The following CDH12 variants were observed in gnomAD, a reference collection of about 807,000 sequenced individuals.
CDH12 encodes the protein cadherin-12.
CDH12 carries 41 observed loss-of-function variants against 74.1 expected under a neutral mutation model. That is an observed-to-expected ratio of 0.55 (90% confidence interval 0.43 to 0.72). The LOEUF (loss-of-function observed/expected upper bound fraction) is 0.72. Ranked by LOEUF, CDH12 falls within the 30% of genes least tolerant of loss-of-function variation. The pLI, the probability that CDH12 is intolerant of heterozygous loss-of-function variation, is 0.00. For missense variants in CDH12, 945 were observed against 977.2 expected, an observed-to-expected ratio of 0.97 and a Z score of 0.44; for synonymous variants, 399 against 355.0, an observed-to-expected ratio of 1.12 and a Z score of -1.39.
At chr5:22,151,514 C>T (rs752206422) in intron 4 of CDH12, among the ~76,000 whole-genome samples, 1 of 152,068 alleles carries the variant, frequency 6.6e-6, no homozygotes, top group Non-Finnish European at 1.5e-5. Flanking sequence ...GATTAAATCA[C>T]CAAAAGGGTT....
At chr5:22,399,032 T>C (rs565982646) in intron 3 of CDH12, among the ~76,000 whole-genome samples, 1 of 152,184 alleles carries the variant, frequency 6.6e-6, no homozygotes, top group East Asian at 1.9e-4. Flanking sequence ...TTGTTTTGTT[T>C]TGTTTGCTTT....
chr5:22,465,597 G>GA (rs1745695676), intron 2 of CDH12, among the ~76,000 whole-genome samples: 3 of 152,164 alleles, frequency 2.0e-5, no homozygotes, highest in Admixed American at 2.0e-4. Flanking sequence ...AGTGAGCCAC[G>GA]ATCATGCCAC....
chr5:22,144,494 T>C (rs985218046), intron 4 of CDH12, among the ~76,000 whole-genome samples: 3 of 152,166 alleles, frequency 2.0e-5, no homozygotes, highest in Admixed American at 1.3e-4. Flanking sequence ...TTGATTATTT[T>C]TGGCCTCCTG....
intron 1 of CDH12, among the ~76,000 whole-genome samples, chr5:22,847,947 G>A (rs764764808): frequency 6.6e-6 from 1 of 151,558 alleles, no homozygotes; most frequent in East Asian, 1.9e-4. Context: ...GCAATGGTGC[G>A]ATCTCGGCTC....
At chr5:22,317,287 C>T (rs1045590532) in intron 3 of CDH12, among the ~76,000 whole-genome samples, 1 of 151,570 alleles carries the variant, frequency 6.6e-6, no homozygotes, top group African/African-American at 2.4e-5. Context: ...CATTGTAATC[C>T]AGCCTAGGCT....
intron 2 of CDH12, among the ~76,000 whole-genome samples, chr5:22,449,639 A>G (rs979862505): frequency 1.3e-5 from 2 of 152,060 alleles, no homozygotes; most frequent in Admixed American, 1.3e-4. Flanking sequence ...CAAATGAGAC[A>G]ATCTGAAAAT....
chr5:22,581,333 T>C (rs1476245564), intron 1 of CDH12, among the ~76,000 whole-genome samples: 1 of 152,230 alleles, frequency 6.6e-6, no homozygotes, highest in Non-Finnish European at 1.5e-5. Context: ...ATATAGAGCT[T>C]GGGCTGTGGC....
chr5:22,763,459 G>T (rs1320184380), intron 1 of CDH12, among the ~76,000 whole-genome samples: 2 of 151,808 alleles, frequency 1.3e-5, no homozygotes, highest in Non-Finnish European at 2.9e-5. Context: ...AACAAATGAA[G>T]GTCAACTCTG....
chr5:22,051,825 G>A lies in CDH12; in HGVS notation c.231+26621C>T, dbSNP rs151183309. Among the ~76,000 whole-genome samples, 693 of 152,110 alleles carry A rather than the reference G, an allele frequency of 4.6e-3. 9 individuals are homozygous for A. The highest frequency in any genetic ancestry group is 0.016 in the African/African-American group (665 of 41,520). On this transcript the variant is annotated intron_variant, in intron 5 of 14. Coordinates refer to ENST00000382254, the MANE Select transcript of CDH12 (RefSeq NM_004061.5). ...ATTGAGAAAAAAAGAAAAAGAGCTG[G>A]ACAGCCCTTTCAGAGATAGGCAAGG...
chr5:21,905,254 C>G (rs1753585188), intron 6 of CDH12, among the ~76,000 whole-genome samples: 1 of 152,120 alleles, frequency 6.6e-6, no homozygotes, highest in East Asian at 1.9e-4. Context: ...TTTTAAAACT[C>G]AAACTATAAA....
intron 3 of CDH12, among the ~76,000 whole-genome samples, chr5:22,397,453 C>G (rs150418720): frequency 0.012 from 1,809 of 149,390 alleles, 38 homozygotes; most frequent in African/African-American, 0.042. Flanking sequence ...CAATTGATTC[C>G]AGGTTTTTTT....
At chr5:22,749,162 G>A (rs1158329242) in intron 1 of CDH12, among the ~76,000 whole-genome samples, 4 of 152,226 alleles carry the variant, frequency 2.6e-5, no homozygotes, top group African/African-American at 4.8e-5. Context: ...GAGTTGTAAC[G>A]TGCAAGCAGA....
At chr5:21,830,202 A>AC (rs1748931074) in intron 8 of CDH12, among the ~76,000 whole-genome samples, 1 of 123,494 alleles carries the variant, frequency 8.1e-6, no homozygotes, top group Non-Finnish European at 1.6e-5. Flanking sequence ...TCCTTCTCAA[A>AC]AAAAAAAAAA....
intron 8 of CDH12, among the ~76,000 whole-genome samples, chr5:21,839,834 A>G (rs1749742756): frequency 6.6e-6 from 1 of 152,142 alleles, no homozygotes. Context: ...CAGCTTCTGT[A>G]TTCTAAGTCC....
At chr5:22,666,282 C>CTTTTTTTGTTTT (rs1740610734) in intron 1 of CDH12, among the ~76,000 whole-genome samples, 1 of 83,542 alleles carries the variant, frequency 1.2e-5, no homozygotes, top group Admixed American at 1.5e-4. Context: ...ATCTCTCTAT[C>CTTTTTTTGTTTT]TTTTTTTTTT....
intron 1 of CDH12, among the ~76,000 whole-genome samples, chr5:22,772,042 G>C (rs929793277): frequency 4.0e-5 from 6 of 151,890 alleles, no homozygotes; most frequent in African/African-American, 1.5e-4. Flanking sequence ...AAATCACCCC[G>C]ATCTAACATA....
intron 8 of CDH12, among the ~76,000 whole-genome samples, chr5:21,838,067 C>T (rs536954810): frequency 7.9e-5 from 12 of 152,124 alleles, no homozygotes; most frequent in East Asian, 1.9e-4. Context: ...TTTAATATGA[C>T]GTTAAACTGG....
intron 4 of CDH12, among the ~76,000 whole-genome samples, chr5:22,186,447 C>T (rs1043900325): frequency 6.6e-6 from 1 of 152,130 alleles, no homozygotes; most frequent in Non-Finnish European, 1.5e-5. Flanking sequence ...ATACAGCAGC[C>T]AAAATCTACA....
chr5:22,822,701 C>T (rs372729367), intron 1 of CDH12, among the ~76,000 whole-genome samples: 1 of 151,896 alleles, frequency 6.6e-6, no homozygotes, highest in Non-Finnish European at 1.5e-5. Context: ...TCACACCAGT[C>T]AGAATGGCAA....
Sources: allele counts gnomAD v4.1 joint callset (sites outside exome capture counted in the v4.1 genomes callset), GRCh38; gene constraint gnomAD v4.1.1; transcripts MANE v1.5; gene names NCBI Gene and HGNC (gene_info 2026-07-23, HGNC 2026-07-21).